DLC1: variants seen among roughly 807,000 people sequenced by gnomAD.
DLC1 encodes rho GTPase-activating protein 7.
Under a neutral mutation model 140.3 loss-of-function variants are expected in DLC1, and 54 were observed. The ratio of observed to expected loss-of-function variants is 0.38; its 90% confidence interval spans 0.31 to 0.48. The LOEUF (loss-of-function observed/expected upper bound fraction) is 0.48, where lower values mean the gene tolerates loss of function less well. Among genes scored for constraint, DLC1 ranks in the 20% least tolerant of loss-of-function variants. DLC1 has a pLI of 0.96. For synonymous variants in DLC1, 986 were observed against 728.1 expected (o/e 1.35, Z -5.70); for missense variants, 2,536 against 1,907.0 (o/e 1.33, Z -6.14).
intron 3 of DLC1, among the ~76,000 whole-genome samples, chr8:13,395,311 CG>C (rs1261160094): frequency 6.6e-6 from 1 of 151,912 alleles, no homozygotes; most frequent in Non-Finnish European, 1.5e-5. Context: ...TTAGTAGAGA[CG>C]GGGTTTCACT....
intron 2 of DLC1, among the ~76,000 whole-genome samples, chr8:13,431,830 C>T (rs1482084425): frequency 1.3e-5 from 2 of 151,778 alleles, no homozygotes; most frequent in Non-Finnish European, 2.9e-5. Flanking sequence ...GTGACAGCCT[C>T]CTAAAGCTGA....
At chr8:13,398,025 G>A (rs2117236951) in intron 3 of DLC1, among the ~76,000 whole-genome samples, 1 of 123,136 alleles carries the variant, frequency 8.1e-6, no homozygotes, top group South Asian at 2.6e-4. Flanking sequence ...CAGCTACTTG[G>A]GAGGCTGAGG....
At chr8:13,158,493 C>T (rs149836344) in intron 5 of DLC1, among the ~76,000 whole-genome samples, 2 of 152,010 alleles carry the variant, frequency 1.3e-5, no homozygotes, top group Admixed American at 6.6e-5. Flanking sequence ...ACAAGGCTGG[C>T]GAGAGGTTCT....
intron 2 of DLC1, among the ~76,000 whole-genome samples, chr8:13,450,636 A>T (rs970394583): frequency 6.6e-6 from 1 of 152,112 alleles, no homozygotes; most frequent in Non-Finnish European, 1.5e-5. Flanking sequence ...ATATAACTTA[A>T]TGATATTTTG....
At chr8:13,203,948 C>T (rs1444756211) in intron 5 of DLC1, among the ~76,000 whole-genome samples, 1 of 152,090 alleles carries the variant, frequency 6.6e-6, no homozygotes, top group African/African-American at 2.4e-5. Flanking sequence ...GGAGGAGGCA[C>T]CATGACAAGC....
chr8:13,278,421 G>A (rs1831251294), intron 5 of DLC1, among the ~76,000 whole-genome samples: 1 of 152,172 alleles, frequency 6.6e-6, no homozygotes. Flanking sequence ...CATGGGTAGT[G>A]CCCTTCACCA....
At chr8:13,160,110 A>T (rs1355574684) in intron 5 of DLC1, 1 of 152,302 alleles carries the variant, frequency 6.6e-6, no homozygotes. Flanking sequence ...GTGAGCCGAG[A>T]TTGTGCCGCT....
rs147469685 is a variant in DLC1 at position 13,138,091 on chromosome 8, T to C, written c.1349-22434A>G. Among the ~76,000 whole-genome samples the C allele has an allele frequency of 3.2e-3, 485 of 152,346 alleles. 2 individuals carry two copies. Among genetic ancestry groups the C allele is most frequent in the African/African-American group, 0.011 (467 of 41,568 alleles). On this transcript the variant is annotated intron_variant, in intron 5 of 17. Transcript: ENST00000276297. ...AATAATTGATATTAGTTATTATTGA[T>C]ACTGTCCAAGGATACTCACTTGCAT...
In DLC1 at chr8:13,312,777, G is replaced by A. The variant is rs534712958; in HGVS notation, c.1315-7475C>T. Among the ~76,000 whole-genome samples the A allele has an allele frequency of 3.1e-3, 477 of 152,180 alleles. 4 individuals are homozygous for A. The highest frequency in any genetic ancestry group is 0.011 in the African/African-American group (452 of 41,514). The stretch of plus-strand genomic sequence containing the variant: ...TATTGTTCTGTATGATGATTTGCCT[G>A]TGGTAGCCACTTAGAAATACTGACT... On this transcript the variant is annotated intron_variant, in intron 4 of 17. Transcript: ENST00000276297.
intron 4 of DLC1, among the ~76,000 whole-genome samples, chr8:13,370,927 A>G (rs1470994): frequency 0.63 from 95,348 of 151,976 alleles, 30,340 homozygotes; most frequent in East Asian, 0.84. Context: ...CTTACACATG[A>G]TCCTGGCCAA....
chr8:13,519,444 A>G (rs1433368022), upstream of DLC1, among the ~76,000 whole-genome samples: 1 of 152,110 alleles, frequency 6.6e-6, no homozygotes, highest in Non-Finnish European at 1.5e-5. Flanking sequence ...TTTTCTTTAA[A>G]TAAGTTCACT....
At chr8:13,314,452 T>A (rs190799599) in intron 4 of DLC1, among the ~76,000 whole-genome samples, 32 of 151,980 alleles carry the variant, frequency 2.1e-4, no homozygotes, top group African/African-American at 7.7e-4. Context: ...CAACATATAT[T>A]GTCAATCTAT....
At chr8:13,585,768 T>C (rs999640416) in intron 1 of DLC1, among the ~76,000 whole-genome samples, 7 of 152,188 alleles carry the variant, frequency 4.6e-5, no homozygotes, top group Non-Finnish European at 1.0e-4. Flanking sequence ...TCATATTTTA[T>C]TCTACCCATG....
At chr8:13,571,335 C>T (rs951882495) in intron 1 of DLC1, among the ~76,000 whole-genome samples, 2 of 152,136 alleles carry the variant, frequency 1.3e-5, no homozygotes, top group Non-Finnish European at 2.9e-5. Context: ...TCACCTCAAA[C>T]AGAAACTCAA....
At chr8:13,493,324 A>C (rs1038333564) in intron 2 of DLC1, among the ~76,000 whole-genome samples, 2 of 152,172 alleles carry the variant, frequency 1.3e-5, no homozygotes, top group Non-Finnish European at 2.9e-5. Flanking sequence ...CCTTGCTTTC[A>C]TTCCACATAT....
intron 1 of DLC1, among the ~76,000 whole-genome samples, chr8:13,586,410 G>A (rs1805312465): frequency 6.6e-6 from 1 of 152,050 alleles, no homozygotes; most frequent in Non-Finnish European, 1.5e-5. Context: ...GTCAAAGATG[G>A]CTCATACGTT....
intron 2 of DLC1, among the ~76,000 whole-genome samples, chr8:13,414,499 C>A (rs923292327): frequency 2.0e-5 from 3 of 152,138 alleles, no homozygotes; most frequent in African/African-American, 7.2e-5. Context: ...TTGCAGTTTT[C>A]TTCTCATAGA....
chr8:13,164,434 G>A (rs1824953917), intron 5 of DLC1, among the ~76,000 whole-genome samples: 1 of 152,098 alleles, frequency 6.6e-6, no homozygotes, highest in African/African-American at 2.4e-5. Flanking sequence ...GTCCAATGTA[G>A]AATGATCATA....
chr8:13,464,078 G>A lies in DLC1; in HGVS notation c.1023+34971C>T, dbSNP rs879896284. ...AAAAAATTGCAGGGCACATTGATGTGGGCTGAGGCCGGGGGAAACCAGCAG... is the reference window on the plus strand; with the variant it reads ...AAAAAATTGCAGGGCACATTGATGTAGGCTGAGGCCGGGGGAAACCAGCAG... On this transcript the variant is annotated intron_variant, in intron 2 of 17. Coordinates refer to ENST00000276297, the MANE Select transcript of DLC1 (RefSeq NM_182643.3). Among the ~76,000 whole-genome samples, 5 of 152,286 alleles carry A rather than the reference G, an allele frequency of 3.3e-5. 1 individual carries two copies. In the South Asian group the frequency reaches 1.0e-3, roughly 32 times the overall value.
Sources: allele counts gnomAD v4.1 joint callset (sites outside exome capture counted in the v4.1 genomes callset), GRCh38; gene constraint gnomAD v4.1.1; transcripts MANE v1.5; gene names NCBI Gene and HGNC (gene_info 2026-07-23, HGNC 2026-07-21).